PROS1: variants seen among roughly 807,000 people sequenced by gnomAD.
PROS1 encodes the protein vitamin K-dependent protein S.
Under a neutral mutation model 75.9 loss-of-function variants are expected in PROS1, and 29 were observed. That is an observed-to-expected ratio of 0.38 (90% CI 0.28 to 0.52). PROS1 has a LOEUF of 0.52. Among genes scored for constraint, PROS1 ranks in the 20% least tolerant of loss-of-function variants. The pLI is 0.83. For missense variants in PROS1, 680 were observed against 810.3 expected (o/e 0.84, Z 1.95); for synonymous variants, 245 against 280.6 (o/e 0.87, Z 1.27).
intron 10 of PROS1, among the ~76,000 whole-genome samples, chr3:93,890,116 T>C (rs1708410834): frequency 6.6e-6 from 1 of 152,138 alleles, no homozygotes; most frequent in Admixed American, 6.5e-5. Flanking sequence ...GTGTCTGTCT[T>C]ATGCAGTTGG....
chr3:93,922,078 C>T (rs533116692), intron 3 of PROS1, among the ~76,000 whole-genome samples: 13 of 152,294 alleles, frequency 8.5e-5, no homozygotes, highest in East Asian at 5.8e-4. Flanking sequence ...GCCAGCTTTT[C>T]GCCTACCCAG....
chr3:93,917,447 C>T (rs1339648818), intron 3 of PROS1, among the ~76,000 whole-genome samples: 4 of 152,220 alleles, frequency 2.6e-5, no homozygotes, highest in South Asian at 4.1e-4. Flanking sequence ...GAGGTGACAG[C>T]GTGCTGGCAG....
At chr3:93,954,386 C>A (rs1186819291) in intron 1 of PROS1, among the ~76,000 whole-genome samples, 3 of 152,108 alleles carry the variant, frequency 2.0e-5, no homozygotes, top group South Asian at 2.1e-4. Context: ...AGATATAGAC[C>A]AATGGAACAG....
intron 1 of PROS1, among the ~76,000 whole-genome samples, chr3:93,954,446 G>GA (rs1709563869): frequency 6.6e-6 from 1 of 152,070 alleles, no homozygotes; most frequent in African/African-American, 2.4e-5. Flanking sequence ...CCTGATCTTT[G>GA]ACAAACCTGA....
rs1467012484 is a variant in PROS1, at chr3:93,879,267, T to C, written c.1540A>G (p.Ile514Val). ...ACACCAGTGCCCGTGGATGGACGAATATTCAAGGTCACATTTACATGCCAA... is the reference window on the plus strand; with the variant it reads ...ACACCAGTGCCCGTGGATGGACGAACATTCAAGGTCACATTTACATGCCAA... ...EGWHVNVTLN[I>V]RPSTGTGVML... Residue 514 changes from isoleucine (I) to valine (V), a missense_variant, in exon 13 of 15, where the codon ATT becomes GTT. Ile to Val is a conservative substitution (Grantham distance 29). Coordinates refer to ENST00000394236, the MANE Select transcript of PROS1 (RefSeq NM_000313.4). The C allele has an allele frequency of 6.2e-7, 1 of 1,614,074 alleles. No individual in the cohort carries two copies. Among genetic ancestry groups the C allele is most frequent in the East Asian group, 2.2e-5 (1 of 44,856 alleles).
intron 6 of PROS1, among the ~76,000 whole-genome samples, chr3:93,904,139 A>G (rs1708638880): frequency 6.6e-6 from 1 of 152,082 alleles, no homozygotes; most frequent in South Asian, 2.1e-4. Context: ...TACAAAGGAC[A>G]TGAACTCATC....
intron 1 of PROS1, among the ~76,000 whole-genome samples, chr3:93,951,408 T>C (rs773199680): frequency 3.9e-5 from 6 of 152,036 alleles, no homozygotes; most frequent in Admixed American, 2.0e-4. Flanking sequence ...CGGCAGAAAA[T>C]CTACAAGCCA....
At chr3:93,925,298 C>T (rs1709000424) in intron 2 of PROS1, among the ~76,000 whole-genome samples, 1 of 152,276 alleles carries the variant, frequency 6.6e-6, no homozygotes, top group South Asian at 2.1e-4. Context: ...ATAAGCTCAT[C>T]CAGAACTGAG....
At chr3:93,940,112 C>G (rs1709259318) in intron 1 of PROS1, among the ~76,000 whole-genome samples, 1 of 152,234 alleles carries the variant, frequency 6.6e-6, no homozygotes, top group African/African-American at 2.4e-5. Flanking sequence ...CCAAGGAATG[C>G]CCGCAGCCCG....
intron 1 of PROS1, among the ~76,000 whole-genome samples, chr3:93,938,022 A>T (rs1443106390): frequency 2.6e-5 from 4 of 152,152 alleles, no homozygotes; most frequent in Non-Finnish European, 5.9e-5. Context: ...TGACACACCA[A>T]TAGTTTCCCC....
chr3:93,973,680 CCT>C lies in PROS1; in HGVS notation c.68_69del (p.Glu23GlyfsTer15). The C allele has an allele frequency of 6.2e-7, 1 of 1,613,710 alleles. No individual in the cohort carries two copies. Among genetic ancestry groups the C allele is most frequent in the Non-Finnish European group, 8.5e-7 (1 of 1,179,774 alleles). ...GACGCTATTGATTACTCACAGTTTGCCTCTGAGACGGGAAGCACTAGGAGGAG... is the reference window on the plus strand; with the variant it reads ...GACGCTATTGATTACTCACAGTTTGCCTGAGACGGGAAGCACTAGGAGGAG... ...ACLLLVLPVS[E>X]ANFLSKQQAS... On this transcript the variant is annotated frameshift_variant, in exon 1 of 15. Transcript: ENST00000394236. LOFTEE classifies it high-confidence loss of function.
rs562209554 is a variant in PROS1 at position 93,927,196 on chromosome 3, G to T, written c.234+54C>A. 13 of 1,603,846 alleles carry T rather than the reference G, an allele frequency of 8.1e-6. No individual in the cohort carries two copies. In the East Asian group the frequency reaches 2.7e-4, roughly 33 times the overall value. On this transcript the variant is annotated intron_variant, in intron 2 of 14. Coordinates refer to ENST00000394236, the MANE Select transcript of PROS1 (RefSeq NM_000313.4). The stretch of plus-strand genomic sequence containing the variant: ...AGGAAGTACAGGCTGGAAATGTTCA[G>T]TCTGTAGTTGTATGTCTAGATGTGT...
chr3:93,884,264 CAG>C (rs1708313805), intron 12 of PROS1, among the ~76,000 whole-genome samples: 1 of 152,052 alleles, frequency 6.6e-6, no homozygotes, highest in Non-Finnish European at 1.5e-5. Context: ...AACTACGAGA[CAG>C]GGAATTTAAA....
intron 1 of PROS1, among the ~76,000 whole-genome samples, chr3:93,966,787 G>A (rs1482398782): frequency 6.7e-6 from 1 of 149,846 alleles, no homozygotes; most frequent in Non-Finnish European, 1.5e-5. Context: ...CTGAGGCAGG[G>A]CGACAGAGCA....
At chr3:93,970,910 A>T (rs1449239091) in intron 1 of PROS1, among the ~76,000 whole-genome samples, 4 of 152,106 alleles carry the variant, frequency 2.6e-5, no homozygotes, top group Admixed American at 2.6e-4. Context: ...TGATGGGAGG[A>T]TTCCTTGAGG....
At chr3:93,882,291 T>C (rs1277316369) in intron 12 of PROS1, among the ~76,000 whole-genome samples, 5 of 152,208 alleles carry the variant, frequency 3.3e-5, no homozygotes, top group African/African-American at 9.6e-5. Context: ...ATAGAATTAA[T>C]CACATAAAGG....
chr3:93,885,328 C>T (rs528569621), intron 11 of PROS1, among the ~76,000 whole-genome samples: 2 of 152,254 alleles, frequency 1.3e-5, no homozygotes, highest in South Asian at 4.1e-4. Context: ...CTGGTTCAAG[C>T]GATTCTCCTG....
At chr3:93,913,398 T>C (rs1559937303) in intron 3 of PROS1, among the ~76,000 whole-genome samples, 1 of 152,202 alleles carries the variant, frequency 6.6e-6, no homozygotes, top group East Asian at 1.9e-4. Flanking sequence ...GTTTTATAAA[T>C]GGGAGGTCCC....
chr3:93,934,183 A>T (rs79776055), intron 1 of PROS1, among the ~76,000 whole-genome samples: 2 of 145,244 alleles, frequency 1.4e-5, no homozygotes, highest in Non-Finnish European at 3.0e-5. Context: ...CCATCACATT[A>T]AAAAAAAAAA....
Sources: gnomAD v4.1 joint callset for allele counts (sites outside exome capture counted in the v4.1 genomes callset) on GRCh38, gnomAD v4.1.1 for gene constraint, MANE v1.5 for transcripts, NCBI Gene and HGNC (gene_info 2026-07-23, HGNC 2026-07-21) for gene names.